Variants in FAM3B observed in about 807,000 individuals in gnomAD.
FAM3B encodes FAM3 metabolism regulating signaling molecule B, also known as protein FAM3B.
In FAM3B, 29 loss-of-function variants were observed where a neutral mutation model predicts 28.4. That is an observed-to-expected ratio of 1.02 (90% CI 0.76 to 1.39). The LOEUF is 1.39. Among genes scored for constraint, FAM3B ranks in the 40% most tolerant of loss-of-function variants. The pLI is 0.00. For missense variants in FAM3B, 266 were observed against 293.9 expected, an observed-to-expected ratio of 0.91 and a Z score of 0.69; for synonymous variants, 91 against 103.0, an observed-to-expected ratio of 0.88 and a Z score of 0.71.
At chr21:41,330,646 G>C (rs1339333874) in intron 2 of FAM3B, among the ~76,000 whole-genome samples, 1 of 152,170 alleles carries the variant, frequency 6.6e-6, no homozygotes, top group Non-Finnish European at 1.5e-5. Context: ...TTGCTTCTAT[G>C]AGTTCAACTT....
upstream of FAM3B, among the ~76,000 whole-genome samples, chr21:41,312,476 T>C (rs2088720614): frequency 6.6e-6 from 1 of 152,180 alleles, no homozygotes; most frequent in African/African-American, 2.4e-5. Flanking sequence ...CAGGGTCTCA[T>C]GGATCCTAGG....
chr21:41,344,436 A>C, intron 3 of FAM3B, 40 bp from the exon 4 acceptor site: 1 of 1,589,520 alleles, frequency 6.3e-7, no homozygotes, highest in South Asian at 1.1e-5. Flanking sequence ...GGAGAGTCGC[A>C]CGCCTCTTGG....
chr21:41,325,347 A>G (rs2088846686), intron 2 of FAM3B, among the ~76,000 whole-genome samples: 2 of 152,180 alleles, frequency 1.3e-5, no homozygotes, highest in Admixed American at 6.5e-5. Flanking sequence ...AGGTAGTTGA[A>G]ATGGTCAAAA....
At chr21:41,324,016 CCTT>C (rs1328856945) in intron 2 of FAM3B, among the ~76,000 whole-genome samples, 1 of 152,168 alleles carries the variant, frequency 6.6e-6, no homozygotes, top group Non-Finnish European at 1.5e-5. Context: ...ATGGATGGCT[CCTT>C]CTGGCAAACG....
At chr21:41,332,496 G>A (rs1419260776) in intron 2 of FAM3B, among the ~76,000 whole-genome samples, 4 of 152,140 alleles carry the variant, frequency 2.6e-5, no homozygotes, top group African/African-American at 9.7e-5. Flanking sequence ...TTCTTGTAGT[G>A]CCCTTGTCTG....
chr21:41,355,494 C>A (rs189025880), intron 7 of FAM3B, among the ~76,000 whole-genome samples: 1 of 151,994 alleles, frequency 6.6e-6, no homozygotes, highest in Admixed American at 6.6e-5. Flanking sequence ...TATTCAAATA[C>A]GTAAAGAAAT....
rs144656848 is a variant in FAM3B, at chr21:41,341,595, A to G, written c.288-2881A>G. 6.5e-4 allele frequency among the ~76,000 whole-genome samples: 99 copies of G among 152,350 alleles called. 1 individual carries two copies. The East Asian group carries it at 0.018, about 28-fold the overall frequency. On this transcript the variant is annotated intron_variant, in intron 3 of 7. Transcript: ENST00000357985. The stretch of plus-strand genomic sequence containing the variant: ...TAATGTTGTCTGTTTTGGACTTTGT[A>G]TAAGTGGAATCATAAACCAAATACT...
chr21:41,338,459 G>T lies in FAM3B; in HGVS notation c.245G>T (p.Gly82Val). Residue 82 changes from glycine (G) to valine (V), a missense_variant, in exon 3 of 8, where the codon GGT becomes GTT. Transcript: ENST00000357985. The part of the protein sequence containing the change: ...DTYAYRLLSG[G>V]GRSKYAKICF... ...TATGCCTACAGGTTACTCAGCGGAG[G>T]TGGCAGAAGCAAGTACGCCAAAATC... The T allele has an allele frequency of 1.9e-6, 3 of 1,614,184 alleles. No homozygotes were observed. The highest frequency in any genetic ancestry group is 2.5e-6 in the Non-Finnish European group (3 of 1,180,020).
At chr21:41,336,332 GC>G (rs900659716) in intron 2 of FAM3B, among the ~76,000 whole-genome samples, 42 of 152,252 alleles carry the variant, frequency 2.8e-4, no homozygotes, top group African/African-American at 8.4e-4. Context: ...GACCAGCTTG[GC>G]CCACATGGCA....
chr21:41,344,803 C>T (rs1004505460), intron 4 of FAM3B, among the ~76,000 whole-genome samples: 4 of 152,142 alleles, frequency 2.6e-5, no homozygotes, highest in Non-Finnish European at 5.9e-5. Flanking sequence ...AGGGTTAACA[C>T]CAGAAGGGCC....
At chr21:41,340,499 T>G (rs2088996219) in intron 3 of FAM3B, among the ~76,000 whole-genome samples, 2 of 152,198 alleles carry the variant, frequency 1.3e-5, no homozygotes, top group South Asian at 4.1e-4. Flanking sequence ...GATAACAGCA[T>G]TAATCCATTC....
chr21:41,344,772 A>C (rs1423493980), intron 4 of FAM3B, among the ~76,000 whole-genome samples: 1 of 152,208 alleles, frequency 6.6e-6, no homozygotes, highest in Non-Finnish European at 1.5e-5. Flanking sequence ...AAAGAAAAAA[A>C]CAGAGGGATA....
At chr21:41,333,358 G>T (rs562712282) in intron 2 of FAM3B, among the ~76,000 whole-genome samples, 11 of 152,284 alleles carry the variant, frequency 7.2e-5, no homozygotes, top group South Asian at 4.1e-4. Context: ...CATGGGAGTG[G>T]ATTTCTTATG....
Position 41,323,024 on chromosome 21 carries a change from G to T in FAM3B, c.121G>T (p.Ala41Ser). 6.2e-7 allele frequency: 1 copy of T among 1,609,264 alleles called. No individual in the cohort carries two copies. Reference sequence around the variant, plus strand: ...TCCAGATGCACCCCTGTCCAGTGCTGCCTATAGCATCCGCAGCATCGGGGA... The same window carrying T: ...TCCAGATGCACCCCTGTCCAGTGCTTCCTATAGCATCCGCAGCATCGGGGA... ...LIPDAPLSSA[A>S]YSIRSIGERP... The change falls in exon 2 of 8, where the codon GCC (alanine) becomes TCC (serine). Residue 41 changes from alanine to serine, a missense_variant. Ala to Ser is a moderately conservative substitution (Grantham distance 99, BLOSUM62 1). Transcript: ENST00000357985.
rs752284441 is a variant in FAM3B, at chr21:41,345,673, C to A, written c.347-13C>A. 2.6e-6 allele frequency: 4 copies of A among 1,521,562 alleles called. No individual in the cohort carries two copies. The highest frequency in any genetic ancestry group is 1.3e-5 in the South Asian group (1 of 78,494). The allele number at this position is 1,521,562 out of a possible 1,614,324, so 94.3% of individuals were successfully genotyped here. ...TGAACTTTCTTTTAAAATACCATTT[C>A]TTTTATTTTCAGATGTAACTGGGAA... On this transcript the variant is annotated splice_polypyrimidine_tract_variant and intron_variant, in intron 4 of 7. Coordinates refer to ENST00000357985, the MANE Select transcript of FAM3B (RefSeq NM_058186.4).
intron 1 of FAM3B, among the ~76,000 whole-genome samples, chr21:41,311,248 AAAAATATATATAT>A (rs1469471401): frequency 3.1e-5 from 2 of 64,250 alleles, no homozygotes; most frequent in African/African-American, 1.2e-4. Flanking sequence ...AAAAAAAAAA[AAAAATATATATAT>A]ATATATATAT....
chr21:41,325,081 G>A (rs1194809919), intron 2 of FAM3B, among the ~76,000 whole-genome samples: 2 of 152,092 alleles, frequency 1.3e-5, no homozygotes, highest in Non-Finnish European at 1.5e-5. Context: ...CAGCCTGAGT[G>A]GCAGAGACTC....
chr21:41,330,443 G>C (rs434411), intron 2 of FAM3B, among the ~76,000 whole-genome samples: 5,003 of 152,276 alleles, frequency 0.033, 117 homozygotes, highest in Middle Eastern at 0.071. Context: ...CGGCATCTTG[G>C]AATGTACCCC....
upstream of FAM3B, among the ~76,000 whole-genome samples, chr21:41,313,837 C>G (rs1408293812): frequency 6.6e-6 from 1 of 152,042 alleles, no homozygotes; most frequent in Non-Finnish European, 1.5e-5. Context: ...AGTTGTATTC[C>G]ACATGAATAT....
Sources: gnomAD v4.1 joint callset for allele counts (sites outside exome capture counted in the v4.1 genomes callset) on GRCh38, gnomAD v4.1.1 for gene constraint, MANE v1.5 for transcripts, NCBI Gene and HGNC (gene_info 2026-07-23, HGNC 2026-07-21) for gene names.